The following SGCD variants were observed in gnomAD, a reference collection of about 807,000 sequenced individuals.
SGCD encodes delta-sarcoglycan.
Under a neutral mutation model 36.6 loss-of-function variants are expected in SGCD, and 18 were observed. The ratio of observed to expected loss-of-function variants is 0.49; its 90% CI spans 0.34 to 0.73. SGCD has a LOEUF of 0.73. Ranked by LOEUF, SGCD falls within the 30% of genes least tolerant of loss-of-function variation. SGCD has a pLI of 0.01. For missense variants in SGCD, 387 were observed against 346.7 expected, an observed-to-expected ratio of 1.12 and a Z score of -0.92; for synonymous variants, 133 against 130.6, an observed-to-expected ratio of 1.02 and a Z score of -0.12.
chr5:156,192,157 A>G (rs544663765), intron 3 of SGCD, among the ~76,000 whole-genome samples: 1 of 152,268 alleles, frequency 6.6e-6, no homozygotes, highest in East Asian at 1.9e-4. Context: ...GTTTCTTCCA[A>G]AAGGAGTCAT....
the SGCD span, among the ~76,000 whole-genome samples, chr5:155,804,147 TAATC>T: frequency 6.6e-6 from 1 of 152,242 alleles, no homozygotes; most frequent in Non-Finnish European, 1.5e-5. Flanking sequence ...GATTTTATAA[TAATC>T]CTTTTGATAA....
At chr5:156,019,885 C>T (rs1291019287) in intron 1 of SGCD, among the ~76,000 whole-genome samples, 1 of 152,188 alleles carries the variant, frequency 6.6e-6, no homozygotes, top group African/African-American at 2.4e-5. Context: ...GCATTTAAAG[C>T]CCTGTGCTGT....
the SGCD span, among the ~76,000 whole-genome samples, chr5:155,803,609 G>A: frequency 1.3e-5 from 2 of 152,230 alleles, no homozygotes; most frequent in Non-Finnish European, 2.9e-5. Flanking sequence ...GTAGAGCTGA[G>A]AGCAAGCAGG....
chr5:155,824,718 A>C, the SGCD span, among the ~76,000 whole-genome samples: 2 of 152,136 alleles, frequency 1.3e-5, no homozygotes, highest in Non-Finnish European at 2.9e-5. Context: ...CCATGTCTTC[A>C]CACCCCAGAT....
chr5:155,940,463 G>A (rs574680838), intron 1 of SGCD, among the ~76,000 whole-genome samples: 10 of 152,266 alleles, frequency 6.6e-5, no homozygotes, highest in African/African-American at 2.4e-4. Flanking sequence ...ATTCTCTTTG[G>A]TAAAGAAGAT....
chr5:156,126,268 T>C (rs1349685765), intron 3 of SGCD, among the ~76,000 whole-genome samples: 2 of 152,010 alleles, frequency 1.3e-5, no homozygotes, highest in East Asian at 1.9e-4. Flanking sequence ...GGGGTTTGGG[T>C]TGGGATTTTG....
intron 3 of SGCD, among the ~76,000 whole-genome samples, chr5:156,365,771 C>A (rs543563470): frequency 1.3e-5 from 2 of 151,794 alleles, no homozygotes; most frequent in African/African-American, 4.8e-5. Flanking sequence ...ACATGTATGT[C>A]TATATTTCCA....
At chr5:156,167,681 C>T (rs987111756) in intron 3 of SGCD, among the ~76,000 whole-genome samples, 1 of 152,076 alleles carries the variant, frequency 6.6e-6, no homozygotes, top group Non-Finnish European at 1.5e-5. Context: ...GTGTGATACG[C>T]CTGCTCCCTC....
chr5:156,072,918 C>G (rs182815234), intron 1 of SGCD, among the ~76,000 whole-genome samples: 5 of 152,164 alleles, frequency 3.3e-5, no homozygotes, highest in African/African-American at 4.8e-5. Context: ...TCCAGTTGAT[C>G]GCATCGGCTC....
the SGCD span, among the ~76,000 whole-genome samples, chr5:155,750,589 G>A: frequency 6.6e-6 from 1 of 152,336 alleles, no homozygotes; most frequent in Non-Finnish European, 1.5e-5. Context: ...TTATAGAACA[G>A]CATCTTAAAA....
the SGCD span, among the ~76,000 whole-genome samples, chr5:155,788,788 TTAC>T: frequency 1.3e-5 from 2 of 152,154 alleles, no homozygotes; most frequent in Admixed American, 1.3e-4. Flanking sequence ...GGTGAACAGT[TTAC>T]CCATCACTAG....
chr5:156,089,164 G>C (rs1223540117), intron 1 of SGCD, among the ~76,000 whole-genome samples: 2 of 152,302 alleles, frequency 1.3e-5, no homozygotes, highest in East Asian at 3.9e-4. Flanking sequence ...AGATTCAAAG[G>C]TGGGATCCCT....
chr5:156,165,319 A>G (rs937299949), intron 3 of SGCD, among the ~76,000 whole-genome samples: 1 of 152,142 alleles, frequency 6.6e-6, no homozygotes, highest in South Asian at 2.1e-4. Context: ...TAATCTTGCT[A>G]CTCAATGTTG....
chr5:156,212,640 C>A (rs79942957), intron 3 of SGCD, among the ~76,000 whole-genome samples: 2,314 of 151,986 alleles, frequency 0.015, 26 homozygotes, highest in Non-Finnish European at 0.026. Context: ...AACTTTAGAC[C>A]AAATAGAATA....
intron 3 of SGCD, among the ~76,000 whole-genome samples, chr5:156,164,042 GAA>G (rs1351582931): frequency 7.0e-6 from 1 of 142,184 alleles, no homozygotes. Flanking sequence ...AAAAAAAAAA[GAA>G]ATCATTTTCA....
At chr5:156,735,042 C>G (rs1756278650) in intron 7 of SGCD, among the ~76,000 whole-genome samples, 1 of 152,196 alleles carries the variant, frequency 6.6e-6, no homozygotes, top group African/African-American at 2.4e-5. Flanking sequence ...TTTAAACAGT[C>G]TGGCCACTTT....
chr5:156,431,941 T>C (rs116064669), intron 3 of SGCD, among the ~76,000 whole-genome samples: 7,420 of 152,176 alleles, frequency 0.049, 373 homozygotes, highest in African/African-American at 0.12. Flanking sequence ...GTCTCAAACT[T>C]CTGAACTCAG....
intron 4 of SGCD, among the ~76,000 whole-genome samples, chr5:156,526,481 G>A (rs1479558980): frequency 3.3e-5 from 5 of 152,120 alleles, no homozygotes; most frequent in South Asian, 2.1e-4. Flanking sequence ...CATGGAACAC[G>A]AGCATCTTGC....
intron 1 of SGCD, among the ~76,000 whole-genome samples, chr5:155,960,177 C>A (rs1203910027): frequency 6.6e-6 from 1 of 152,008 alleles, no homozygotes; most frequent in African/African-American, 2.4e-5. Flanking sequence ...TTCCACCTCT[C>A]CCGCTCCTTT....
Sources: gnomAD v4.1 joint callset for allele counts (sites outside exome capture counted in the v4.1 genomes callset) on GRCh38, gnomAD v4.1.1 for gene constraint, MANE v1.5 for transcripts, NCBI Gene and HGNC (gene_info 2026-07-23, HGNC 2026-07-21) for gene names.